The following MACROD2 variants were observed in gnomAD, a reference collection of about 807,000 sequenced individuals.
The protein encoded by MACROD2 is mono-ADP ribosylhydrolase 2, also known as ADP-ribose glycohydrolase MACROD2.
In MACROD2, 36 loss-of-function variants were observed where a neutral mutation model predicts 70.4. The ratio of observed to expected loss-of-function variants is 0.51; its 90% CI spans 0.39 to 0.68. The LOEUF is 0.68. Among genes scored for constraint, MACROD2 ranks in the 30% least tolerant of loss-of-function variants. The pLI is 0.00. For synonymous variants in MACROD2, 172 were observed against 178.8 expected, an observed-to-expected ratio of 0.96 and a Z score of 0.30; for missense variants, 496 against 538.4, an observed-to-expected ratio of 0.92 and a Z score of 0.78.
intron 3 of MACROD2, among the ~76,000 whole-genome samples, chr20:14,186,834 C>G (rs1335528421): frequency 1.3e-5 from 2 of 152,130 alleles, no homozygotes; most frequent in African/African-American, 4.8e-5. Context: ...CCTGAGTGAA[C>G]TAACACAGAA....
At chr20:14,729,484 A>C (rs1474535115) in intron 5 of MACROD2, among the ~76,000 whole-genome samples, 3 of 152,164 alleles carry the variant, frequency 2.0e-5, no homozygotes, top group African/African-American at 7.2e-5. Flanking sequence ...ATCTGAATAC[A>C]CAAGGGAACA....
At chr20:15,148,705 T>C (rs931021796) in intron 5 of MACROD2, among the ~76,000 whole-genome samples, 1 of 152,000 alleles carries the variant, frequency 6.6e-6, no homozygotes, top group Non-Finnish European at 1.5e-5. Flanking sequence ...GGAGCTCAAA[T>C]GGGCCGTACC....
At chr20:14,821,759 C>T (rs540745249) in intron 5 of MACROD2, among the ~76,000 whole-genome samples, 5 of 152,172 alleles carry the variant, frequency 3.3e-5, no homozygotes, top group African/African-American at 9.6e-5. Context: ...AGGGAGAACA[C>T]TCAAGACCAC....
chr20:14,387,342 C>G (rs949877161), intron 3 of MACROD2, among the ~76,000 whole-genome samples: 1 of 151,984 alleles, frequency 6.6e-6, no homozygotes, highest in African/African-American at 2.4e-5. Context: ...CTGCAGTTGT[C>G]CATTTGTTTA....
chr20:15,421,632 T>C (rs1483111993), intron 6 of MACROD2, among the ~76,000 whole-genome samples: 1 of 152,188 alleles, frequency 6.6e-6, no homozygotes. Context: ...CCAATTTGTA[T>C]AGAAGAAAAA....
At chr20:14,773,814 C>T (rs962351265) in intron 5 of MACROD2, among the ~76,000 whole-genome samples, 1 of 152,016 alleles carries the variant, frequency 6.6e-6, no homozygotes, top group African/African-American at 2.4e-5. Context: ...GCTTAAAGAA[C>T]AGAAAATCAT....
chr20:14,188,988 A>G (rs1442040140), intron 3 of MACROD2, among the ~76,000 whole-genome samples: 3 of 152,146 alleles, frequency 2.0e-5, no homozygotes, highest in Non-Finnish European at 4.4e-5. Flanking sequence ...TGTTTTGTGC[A>G]TTCATCTTTT....
At chr20:14,466,438 A>AT (rs1277561080) in intron 3 of MACROD2, among the ~76,000 whole-genome samples, 1 of 151,634 alleles carries the variant, frequency 6.6e-6, no homozygotes, top group Non-Finnish European at 1.5e-5. Context: ...CATTCGTCTA[A>AT]TTTTTTTTCA....
At chr20:14,896,702 C>A (rs1321733660) in intron 5 of MACROD2, among the ~76,000 whole-genome samples, 1 of 151,856 alleles carries the variant, frequency 6.6e-6, no homozygotes, top group Non-Finnish European at 1.5e-5. Flanking sequence ...AGCAATTCTA[C>A]CAGTTATATG....
intron 6 of MACROD2, among the ~76,000 whole-genome samples, chr20:15,383,415 G>C (rs2045670815): frequency 6.6e-6 from 1 of 152,178 alleles, no homozygotes; most frequent in Non-Finnish European, 1.5e-5. Context: ...GTGGGTCAAA[G>C]CTTGCCCAAG....
intron 6 of MACROD2, among the ~76,000 whole-genome samples, chr20:15,303,738 A>G (rs550082716): frequency 6.6e-6 from 1 of 152,166 alleles, no homozygotes; most frequent in East Asian, 1.9e-4. Context: ...CACTGCCCCA[A>G]TTCCTTTATG....
chr20:14,297,852 G>A (rs756991016), intron 3 of MACROD2, among the ~76,000 whole-genome samples: 1 of 151,866 alleles, frequency 6.6e-6, no homozygotes, highest in South Asian at 2.1e-4. Flanking sequence ...TCATAGAGAG[G>A]GGAAGTCAAT....
chr20:14,565,750 C>T (rs1277161704), intron 4 of MACROD2, among the ~76,000 whole-genome samples: 1 of 151,872 alleles, frequency 6.6e-6, no homozygotes, highest in Non-Finnish European at 1.5e-5. Flanking sequence ...TCCATTTACT[C>T]TCCTCCTACT....
chr20:14,183,885 T>G (rs1294753086), intron 3 of MACROD2, among the ~76,000 whole-genome samples: 1 of 152,164 alleles, frequency 6.6e-6, no homozygotes, highest in Non-Finnish European at 1.5e-5. Flanking sequence ...ATGGGGTTGT[T>G]TACTTTTTCC....
rs59052053 is a variant in MACROD2 at position 14,071,252 on chromosome 20, G to GTTTTTTTTTTTTTTTTTTTTTTTTT, written c.164-14367_164-14343dup. Among the ~76,000 whole-genome samples, 8 of 63,952 alleles carry GTTTTTTTTTTTTTTTTTTTTTTTTT rather than the reference G, an allele frequency of 1.3e-4. 2 individuals are homozygous for GTTTTTTTTTTTTTTTTTTTTTTTTT. The highest frequency in any genetic ancestry group is 4.2e-4 in the Admixed American group (2 of 4,796). The allele number at this position is 63,952 out of a possible 152,430, so 42.0% of individuals were successfully genotyped here. ...GACAGTATTGGCCATTTCATCTTGT[G>GTTTTTTTTTTTTTTTTTTTTTTTTT]TTTTTTTTTTTTTTTTTTTTTTTTT... is the stretch of plus-strand genomic sequence containing the variant. On this transcript the variant is annotated intron_variant, in intron 2 of 17. Transcript: ENST00000684519.
At chr20:15,144,475 A>T (rs2076216067) in intron 5 of MACROD2, among the ~76,000 whole-genome samples, 1 of 152,116 alleles carries the variant, frequency 6.6e-6, no homozygotes. Context: ...TGACTTTGAA[A>T]CTTTGAAACG....
At chr20:15,517,476 G>A (rs561253903) in intron 8 of MACROD2, among the ~76,000 whole-genome samples, 11 of 152,202 alleles carry the variant, frequency 7.2e-5, no homozygotes, top group South Asian at 4.2e-4. Flanking sequence ...TTGGTTTATC[G>A]GCTGTCATCT....
intron 5 of MACROD2, among the ~76,000 whole-genome samples, chr20:14,883,165 A>G (rs2073630255): frequency 1.3e-5 from 2 of 152,198 alleles, no homozygotes; most frequent in African/African-American, 2.4e-5. Context: ...AGAAATATGC[A>G]ACAACCCATT....
At chr20:15,477,817 A>G (rs950596688) in intron 7 of MACROD2, among the ~76,000 whole-genome samples, 3 of 152,194 alleles carry the variant, frequency 2.0e-5, no homozygotes, top group East Asian at 1.9e-4. Context: ...CATGGGCCCA[A>G]TGTGATCGCA....
Sources: allele counts gnomAD v4.1 joint callset (sites outside exome capture counted in the v4.1 genomes callset), GRCh38; gene constraint gnomAD v4.1.1; transcripts MANE v1.5; gene names NCBI Gene and HGNC (gene_info 2026-07-23, HGNC 2026-07-21).